The following UGT1A8 variants were observed in gnomAD, a reference collection of about 807,000 sequenced individuals.
The protein encoded by UGT1A8 is UDP glucuronosyltransferase family 1 member A8, also known as UDP-glucuronosyltransferase 1A8.
Under a neutral mutation model 45.3 loss-of-function variants are expected in UGT1A8, and 39 were observed. The observed-to-expected ratio is 0.86, with a 90% CI of 0.67 to 1.12. UGT1A8 has a LOEUF of 1.12. Among genes scored for constraint, UGT1A8 ranks in the 50% most tolerant of loss-of-function variants. The pLI is 0.00. For synonymous variants in UGT1A8, 275 were observed against 249.2 expected, an observed-to-expected ratio of 1.10 and a Z score of -0.97; for missense variants, 719 against 664.9, an observed-to-expected ratio of 1.08 and a Z score of -0.90.
At chr2:233,712,927 GA>G in intron 1 of UGT1A8, 25 of 1,612,018 alleles carry the variant, frequency 1.6e-5, no homozygotes, top group Non-Finnish European at 2.0e-5. Flanking sequence ...TAATTAAGAC[GA>G]AGGAAACAAT....
rs61261057 is a variant in UGT1A8 at position 233,682,280 on chromosome 2, G to A, written c.855+63718G>A. 1.0e-3 allele frequency: 1,651 copies of A among 1,614,068 alleles called. 19 individuals carry two copies. The African/African-American group carries it at 0.02, about 19-fold the overall frequency. ...TTCTCTATTAACAAGTTCATCCAAT[G>A]GTATTTTTGACTTATTTTTTTCAAA... On this transcript the variant is annotated intron_variant, in intron 1 of 4. Coordinates refer to ENST00000373450, the MANE Select transcript of UGT1A8 (RefSeq NM_019076.5).
chr2:233,619,370 G>T (rs72984451), intron 1 of UGT1A8, among the ~76,000 whole-genome samples: 8 of 152,040 alleles, frequency 5.3e-5, no homozygotes, highest in Middle Eastern at 3.4e-3. Context: ...TTCCATTTTT[G>T]CTTTTATGAA....
At chr2:233,762,213 C>T (rs889171473) in intron 1 of UGT1A8, among the ~76,000 whole-genome samples, 1 of 152,104 alleles carries the variant, frequency 6.6e-6, no homozygotes, top group Non-Finnish European at 1.5e-5. Flanking sequence ...ATTTGGCGCC[C>T]CATAAATCTC....
chr2:233,650,591 C>A (rs2073714402), intron 1 of UGT1A8, among the ~76,000 whole-genome samples: 1 of 152,162 alleles, frequency 6.6e-6, no homozygotes, highest in Admixed American at 6.5e-5. Context: ...TTGTAAACTG[C>A]AAATTTCTTT....
rs1003147991 is a variant in UGT1A8 at position 233,772,600 on chromosome 2, T to C, written c.*41T>C. 1 of 1,591,692 alleles carries C rather than the reference T, an allele frequency of 6.3e-7. No homozygotes were observed. The highest frequency in any genetic ancestry group is 8.6e-7 in the Non-Finnish European group (1 of 1,168,178). ...TAAGGTAAAATTTTGAACCATTCCC[T>C]AGTCATTTCCAAACTTGAAAACAGA... On this transcript the variant is annotated 3_prime_UTR_variant, in exon 5 of 5. Coordinates refer to ENST00000373450, the MANE Select transcript of UGT1A8 (RefSeq NM_019076.5).
intron 1 of UGT1A8, among the ~76,000 whole-genome samples, chr2:233,677,891 T>G (rs1322580202): frequency 2.6e-5 from 4 of 152,032 alleles, no homozygotes; most frequent in Non-Finnish European, 5.9e-5. Context: ...GCAGCTCTAT[T>G]CAGAATAGAA....
rs112085732 is a variant in UGT1A8 at position 233,747,405 on chromosome 2, G to T, written c.856-19629G>T. The T allele has an allele frequency of 4.4e-6, 7 of 1,607,054 alleles. No homozygotes were observed. In the African/African-American group the frequency reaches 6.7e-5, roughly 15 times the overall value. ...CCAGGCGGTGGTCCTCACCCCAGAG[G>T]TGAATATGCACATCAAACAAGAGAA... On this transcript the variant is annotated intron_variant, in intron 1 of 4. Coordinates refer to ENST00000373450, the MANE Select transcript of UGT1A8 (RefSeq NM_019076.5).
chr2:233,740,756 T>G (rs1289445141), intron 1 of UGT1A8: 2 of 151,784 alleles, frequency 1.3e-5, no homozygotes, highest in Non-Finnish European at 1.5e-5. Flanking sequence ...TCTGAAAACC[T>G]TATCAAACCG....
chr2:233,672,918 A>G (rs375274388), intron 1 of UGT1A8: 48 of 1,498,702 alleles, frequency 3.2e-5, no homozygotes, highest in African/African-American at 2.1e-4. Context: ...TTAACAAATT[A>G]TTTTGTGCCA....
intron 1 of UGT1A8, among the ~76,000 whole-genome samples, chr2:233,671,296 C>T (rs114918870): frequency 3.2e-3 from 488 of 152,250 alleles, no homozygotes; most frequent in Non-Finnish European, 3.8e-3. Flanking sequence ...AAATAGGAGA[C>T]GGTTACTTTC....
intron 1 of UGT1A8, among the ~76,000 whole-genome samples, chr2:233,717,094 ACTAT>A (rs2076547098): frequency 6.6e-6 from 1 of 152,186 alleles, no homozygotes; most frequent in Admixed American, 6.5e-5. Flanking sequence ...AGATGACATC[ACTAT>A]CTAAATAAAA....
rs141853649 is a variant in UGT1A8 at position 233,739,471 on chromosome 2, G to A, written c.856-27563G>A. ...CACAGGGTTGGAGCTGCCTGAGACCGTGGGAGCCCATTTCTGGCATCACCT... is the reference window on the plus strand; with the variant it reads ...CACAGGGTTGGAGCTGCCTGAGACCATGGGAGCCCATTTCTGGCATCACCT... On this transcript the variant is annotated intron_variant, in intron 1 of 4. Transcript: ENST00000373450. Among the ~76,000 whole-genome samples the A allele has an allele frequency of 2.4e-3, 366 of 152,340 alleles. 1 individual carries two copies. Among genetic ancestry groups the A allele is most frequent in the African/African-American group, 7.9e-3 (330 of 41,576 alleles).
intron 1 of UGT1A8, chr2:233,693,307 G>A (rs2075144345): frequency 1.2e-6 from 2 of 1,614,138 alleles, no homozygotes; most frequent in Middle Eastern, 1.6e-4. Flanking sequence ...ACTTTGCTGA[G>A]CGATCATTCC....
At chr2:233,636,891 T>C in intron 1 of UGT1A8, 1 of 1,614,160 alleles carries the variant, frequency 6.2e-7, no homozygotes, top group Non-Finnish European at 8.5e-7. Context: ...TTTTTTCGCA[T>C]TGCAGGAGTT....
At chr2:233,690,868 G>C in intron 1 of UGT1A8, 2 of 1,065,100 alleles carry the variant, frequency 1.9e-6, no homozygotes, top group Non-Finnish European at 2.3e-6. Flanking sequence ...TAATTTGCAA[G>C]AAGGTGTTAG....
At chr2:233,729,474 G>C (rs1258880128) in intron 1 of UGT1A8, 53 of 1,614,092 alleles carry the variant, frequency 3.3e-5, no homozygotes, top group Non-Finnish European at 4.2e-5. Flanking sequence ...GTATGGCAAT[G>C]TTGAACAATA....
At chr2:233,719,310 T>C in intron 1 of UGT1A8, 6 of 1,613,982 alleles carry the variant, frequency 3.7e-6, no homozygotes, top group Non-Finnish European at 5.1e-6. Context: ...GCTGGCTAAG[T>C]ACCTGTCGAT....
intron 1 of UGT1A8, among the ~76,000 whole-genome samples, chr2:233,661,348 G>A (rs759502318): frequency 3.3e-5 from 5 of 152,154 alleles, no homozygotes; most frequent in Admixed American, 6.6e-5. Flanking sequence ...TTACCACCAG[G>A]AGACTCCTTA....
chr2:233,737,696 C>T (rs2078911570), intron 1 of UGT1A8, among the ~76,000 whole-genome samples: 1 of 152,160 alleles, frequency 6.6e-6, no homozygotes, highest in African/African-American at 2.4e-5. Context: ...GGTGCTGAAG[C>T]TTCCGTTCTC....
Sources: gnomAD v4.1 joint callset for allele counts (sites outside exome capture counted in the v4.1 genomes callset) on GRCh38, gnomAD v4.1.1 for gene constraint, MANE v1.5 for transcripts, NCBI Gene and HGNC (gene_info 2026-07-23, HGNC 2026-07-21) for gene names.